CCNJL: variants seen among roughly 807,000 people sequenced by gnomAD.
CCNJL encodes the protein cyclin-J-like protein.
CCNJL carries 33 observed loss-of-function variants against 33.4 expected under a neutral mutation model. That is an observed-to-expected ratio of 0.99 (90% CI 0.75 to 1.32). The LOEUF is 1.32. Ranked by LOEUF, CCNJL falls within the 40% of genes most tolerant of loss-of-function variation. The pLI, the probability that CCNJL is intolerant of heterozygous loss-of-function variation, is 0.00. For synonymous variants in CCNJL, 227 were observed against 220.9 expected, an observed-to-expected ratio of 1.03 and a Z score of -0.24; for missense variants, 512 against 499.7, an observed-to-expected ratio of 1.02 and a Z score of -0.23.
intron 1 of CCNJL, among the ~76,000 whole-genome samples, chr5:160,322,499 C>T (rs1040483532): frequency 2.0e-5 from 3 of 152,126 alleles, no homozygotes; most frequent in African/African-American, 4.8e-5. Context: ...TGAATAAGTG[C>T]GAGCCAAAAT....
At chr5:160,277,965 T>A (rs920112310) in intron 3 of CCNJL, among the ~76,000 whole-genome samples, 1 of 152,072 alleles carries the variant, frequency 6.6e-6, no homozygotes, top group African/African-American at 2.4e-5. Flanking sequence ...TGGAATGCAA[T>A]GGCATGATCT....
intron 2 of CCNJL, among the ~76,000 whole-genome samples, chr5:160,286,754 G>C (rs545352469): frequency 1.3e-5 from 2 of 152,252 alleles, no homozygotes; most frequent in South Asian, 2.1e-4. Flanking sequence ...GTCTCAAGAG[G>C]GCAGGATTTT....
intron 2 of CCNJL, among the ~76,000 whole-genome samples, chr5:160,302,041 T>C (rs1246454911): frequency 6.6e-6 from 1 of 152,144 alleles, no homozygotes; most frequent in Non-Finnish European, 1.5e-5. Context: ...TATGTCTTGA[T>C]TATGGTGGTG....
chr5:160,332,670 T>C (rs1763624904), intron 1 of CCNJL, among the ~76,000 whole-genome samples: 1 of 152,196 alleles, frequency 6.6e-6, no homozygotes, highest in African/African-American at 2.4e-5. Flanking sequence ...CCCACATATC[T>C]GTACAGCCAG....
At chr5:160,313,823 C>T (rs1763343032), upstream of CCNJL, among the ~76,000 whole-genome samples, 1 of 152,158 alleles carries the variant, frequency 6.6e-6, no homozygotes, top group Admixed American at 6.5e-5. Flanking sequence ...GTTTTCTAAC[C>T]TTCAAATGGG....
intron 3 of CCNJL, 81 bp from the exon 4 acceptor site, chr5:160,259,852 C>T: frequency 8.9e-7 from 1 of 1,120,654 alleles, no homozygotes; most frequent in South Asian, 1.5e-5. Context: ...CTTACAGTGC[C>T]TGGACATTGC....
intron 2 of CCNJL, among the ~76,000 whole-genome samples, chr5:160,304,948 G>C (rs148392769): frequency 0.01 from 1,595 of 152,082 alleles, 15 homozygotes; most frequent in Non-Finnish European, 0.017. Context: ...TGAGTAGCTG[G>C]GACTACAGGT....
At chr5:160,272,851 C>G (rs926643992) in intron 3 of CCNJL, among the ~76,000 whole-genome samples, 4 of 152,290 alleles carry the variant, frequency 2.6e-5, no homozygotes, top group Admixed American at 2.6e-4. Context: ...ATCTTACAGA[C>G]AGACTCATGT....
chr5:160,302,635 A>T (rs1762958292), intron 2 of CCNJL, among the ~76,000 whole-genome samples: 1 of 151,712 alleles, frequency 6.6e-6, no homozygotes, highest in Admixed American at 6.6e-5. Flanking sequence ...AACGTGATGA[A>T]ACCCCATCTC....
At chr5:160,314,798 T>C (rs138985193), upstream of CCNJL, among the ~76,000 whole-genome samples, 10 of 152,300 alleles carry the variant, frequency 6.6e-5, no homozygotes, top group East Asian at 1.5e-3. Flanking sequence ...GGAATTCATA[T>C]GGATAGATGT....
rs769375224 is a variant in CCNJL at position 160,259,575 on chromosome 5, G to A, written c.477C>T (p.Val159=). Residue 159 remains valine, a synonymous_variant, in exon 4 of 6, where the codon GTC becomes GTT. Coordinates refer to ENST00000257536, the MANE Select transcript of CCNJL (RefSeq NM_001308173.3). ...TGTGGCAGTGGTGGTCCTTCTGGCT[G>A]ACGGAGGCCAAGAGGTAGTAGTCCA... ...HFLDYYLLAS[V]SQKDHHCHTW... 2.5e-6 allele frequency: 4 copies of A among 1,614,204 alleles called. 1 individual carries two copies. The South Asian group carries it at 4.4e-5, about 18-fold the overall frequency.
upstream of CCNJL, among the ~76,000 whole-genome samples, chr5:160,313,261 G>A (rs1306442922): frequency 6.6e-6 from 1 of 152,130 alleles, no homozygotes; most frequent in Non-Finnish European, 1.5e-5. Flanking sequence ...GCATAGCATT[G>A]GGCTATCCTT....
intron 1 of CCNJL, chr5:160,326,598 C>T (rs1763539434): frequency 2.0e-6 from 1 of 492,922 alleles, no homozygotes; most frequent in African/African-American, 2.0e-5. Flanking sequence ...CAACTCTAAT[C>T]ATAGTCCTCA....
intron 2 of CCNJL, among the ~76,000 whole-genome samples, chr5:160,303,733 T>TGA (rs1561804171): frequency 6.6e-6 from 1 of 151,366 alleles, no homozygotes; most frequent in African/African-American, 2.4e-5. Context: ...TGTGTCTGTG[T>TGA]GTGTGTGTGT....
chr5:160,324,149 A>C (rs567802574), intron 1 of CCNJL, among the ~76,000 whole-genome samples: 1 of 152,246 alleles, frequency 6.6e-6, no homozygotes, highest in East Asian at 1.9e-4. Flanking sequence ...AACTTGACTT[A>C]TACAAAGGGT....
At chr5:160,289,351 C>T (rs946995839) in intron 2 of CCNJL, among the ~76,000 whole-genome samples, 1 of 152,140 alleles carries the variant, frequency 6.6e-6, no homozygotes, top group Non-Finnish European at 1.5e-5. Context: ...AGTGAATGGA[C>T]GTCTGAATAC....
intron 1 of CCNJL, among the ~76,000 whole-genome samples, chr5:160,332,953 A>G (rs1763628738): frequency 1.3e-5 from 2 of 152,110 alleles, no homozygotes; most frequent in Non-Finnish European, 2.9e-5. Flanking sequence ...CAGGCATAGA[A>G]GTGGATCAGT....
intron 3 of CCNJL, among the ~76,000 whole-genome samples, chr5:160,279,132 A>G (rs1762120538): frequency 6.6e-6 from 1 of 152,318 alleles, no homozygotes; most frequent in African/African-American, 2.4e-5. Context: ...GATCGTGCCC[A>G]TGGGGTTTAT....
chr5:160,315,915 TTA>T (rs1297215920), upstream of CCNJL, among the ~76,000 whole-genome samples: 1 of 152,156 alleles, frequency 6.6e-6, no homozygotes, highest in Non-Finnish European at 1.5e-5. Flanking sequence ...AGACAGGCCT[TTA>T]TTATTCACTA....
Sources: gnomAD v4.1 joint callset for allele counts (sites outside exome capture counted in the v4.1 genomes callset) on GRCh38, gnomAD v4.1.1 for gene constraint, MANE v1.5 for transcripts, NCBI Gene and HGNC (gene_info 2026-07-23, HGNC 2026-07-21) for gene names.